The following DTNA variants were observed in gnomAD, a reference collection of about 807,000 sequenced individuals.
The protein encoded by DTNA is dystrophin-related protein 3.
In DTNA, 43 loss-of-function variants were observed where a neutral mutation model predicts 100.7. That is an observed-to-expected ratio of 0.43 (90% CI 0.33 to 0.55). The LOEUF is 0.55. DTNA is among the 20% of genes least tolerant of loss of function. DTNA has a pLI of 0.04. For missense variants in DTNA, 798 were observed against 953.9 expected, an observed-to-expected ratio of 0.84 and a Z score of 2.15; for synonymous variants, 349 against 347.9, an observed-to-expected ratio of 1.00 and a Z score of -0.04.
At chr18:34,509,668 G>A (rs1568559871) in intron 1 of DTNA, among the ~76,000 whole-genome samples, 1 of 152,062 alleles carries the variant, frequency 6.6e-6, no homozygotes, top group Admixed American at 6.6e-5. Context: ...AAATCATCTA[G>A]CTGTTCTTTT....
Position 34,866,992 on chromosome 18 carries a change from CAAAT to C in DTNA, c.1743+2931_1743+2934del, listed in dbSNP as rs2150204571. On this transcript the variant is annotated intron_variant, in intron 17 of 22. Coordinates refer to ENST00000444659, the MANE Select transcript of DTNA (RefSeq NM_001386795.1). ...GGAGCAGCAAACTCAAAAAAAAAAACAAATTAAATTAAATTAAATTAAATTAAAT... is the reference window on the plus strand; with the variant it reads ...GGAGCAGCAAACTCAAAAAAAAAAACTAAATTAAATTAAATTAAATTAAAT... 3 of 1,148,514 alleles carry C rather than the reference CAAAT, an allele frequency of 2.6e-6. No homozygotes were observed. In the African/African-American group the frequency reaches 5.1e-5, roughly 20 times the overall value. 71.1% of individuals were successfully genotyped at this position (1,148,514 alleles called of 1,614,324 possible). A position where few individuals can be genotyped will look rare whatever the true frequency, so the allele number is the denominator to read the frequency against.
chr18:34,534,717 C>T (rs2043509741), intron 1 of DTNA, among the ~76,000 whole-genome samples: 1 of 152,044 alleles, frequency 6.6e-6, no homozygotes, highest in Non-Finnish European at 1.5e-5. Context: ...TTGTTCACCT[C>T]CCACTAATGA....
At chr18:34,816,907 A>G (rs1469229384) in intron 7 of DTNA, among the ~76,000 whole-genome samples, 3 of 152,212 alleles carry the variant, frequency 2.0e-5, no homozygotes, top group Admixed American at 6.5e-5. Flanking sequence ...CTCATGGAGA[A>G]AATTTAAAGA....
chr18:34,802,253 C>T lies in DTNA; in HGVS notation c.363-3966C>T, dbSNP rs560866371. ...TGGTGGTTGGCTTCCTGGGTTGCAG[C>T]TGACAGCCAGCATTCCATCGGTGCA... is the stretch of plus-strand genomic sequence containing the variant. On this transcript the variant is annotated intron_variant, in intron 4 of 22. Coordinates refer to ENST00000444659, the MANE Select transcript of DTNA (RefSeq NM_001386795.1). Among the ~76,000 whole-genome samples, 24 of 152,340 alleles carry T rather than the reference C, an allele frequency of 1.6e-4. No homozygotes were observed. The South Asian group carries it at 1.9e-3, about 12-fold the overall frequency.
At chr18:34,570,638 G>T (rs1169298101) in intron 1 of DTNA, among the ~76,000 whole-genome samples, 1 of 152,080 alleles carries the variant, frequency 6.6e-6, no homozygotes, top group East Asian at 1.9e-4. Context: ...GCACAGATTT[G>T]CATTGCTGTA....
chr18:34,622,648 A>ATATGT (rs2056712413), intron 1 of DTNA, among the ~76,000 whole-genome samples: 1 of 152,176 alleles, frequency 6.6e-6, no homozygotes. Flanking sequence ...GACAAGGTGA[A>ATATGT]TATGTTATGT....
At chr18:34,669,830 C>T (rs930701125) in intron 1 of DTNA, among the ~76,000 whole-genome samples, 4 of 152,202 alleles carry the variant, frequency 2.6e-5, no homozygotes, top group Non-Finnish European at 5.9e-5. Flanking sequence ...TTGTGGGTAA[C>T]CTGACCTTTC....
In DTNA at chr18:34,848,374, C is replaced by A. The variant is rs756679503; in HGVS notation, c.1425C>A (p.Ser475=). Residue 475 remains serine, a synonymous_variant, in exon 14 of 23, where the codon TCC becomes TCA. Transcript: ENST00000444659. ...ARYAARLAAE[S]SSSQPPQQRS... ...ATGCGGCAAGGCTGGCAGCAGAGTC[C>A]TCTTCGTCTGTAAGTAGTTGGAGTA... The A allele has an allele frequency of 4.6e-5, 75 of 1,613,816 alleles. No homozygotes were observed. The highest frequency in any genetic ancestry group is 6.1e-5 in the Non-Finnish European group (72 of 1,179,922).
chr18:34,500,094 A>G (rs1227857888), intron 1 of DTNA, among the ~76,000 whole-genome samples: 1 of 152,082 alleles, frequency 6.6e-6, no homozygotes, highest in African/African-American at 2.4e-5. Flanking sequence ...TCTTGTCTAT[A>G]TTAACAAAAA....
At chr18:34,670,351 T>G (rs2076572897) in intron 1 of DTNA, among the ~76,000 whole-genome samples, 1 of 152,210 alleles carries the variant, frequency 6.6e-6, no homozygotes, top group Non-Finnish European at 1.5e-5. Flanking sequence ...TTTTAACTTC[T>G]TTACAATGGG....
chr18:34,570,747 A>G (rs1351485565), intron 1 of DTNA, among the ~76,000 whole-genome samples: 2 of 152,192 alleles, frequency 1.3e-5, no homozygotes, highest in Non-Finnish European at 2.9e-5. Flanking sequence ...GTAATTCCAG[A>G]GGTCACAAAT....
In DTNA at chr18:34,625,845, T is replaced by C. The variant is rs149532337; in HGVS notation, c.-1-130131T>C. On this transcript the variant is annotated intron_variant, in intron 1 of 19. Transcript: ENST00000283365. ...GTAAGACTTGAAATGATGAAAACAA[T>C]GAATGAAGGCAGAATTGACTACATC... Among the ~76,000 whole-genome samples, 763 of 152,164 alleles carry C rather than the reference T, an allele frequency of 5.0e-3. 5 individuals carry two copies. The highest frequency in any genetic ancestry group is 0.017 in the African/African-American group (713 of 41,536).
intron 4 of DTNA, among the ~76,000 whole-genome samples, chr18:34,801,830 A>T (rs1402389353): frequency 6.6e-6 from 1 of 152,212 alleles, no homozygotes; most frequent in Non-Finnish European, 1.5e-5. Flanking sequence ...TAATAATAAA[A>T]TGATATACTA....
chr18:34,622,005 C>T (rs896826021), intron 1 of DTNA, among the ~76,000 whole-genome samples: 1 of 151,972 alleles, frequency 6.6e-6, no homozygotes, highest in African/African-American at 2.4e-5. Context: ...AAAGGGTGGG[C>T]AGAGGGGAGG....
At chr18:34,595,354 G>A (rs2050377972) in intron 1 of DTNA, among the ~76,000 whole-genome samples, 1 of 151,956 alleles carries the variant, frequency 6.6e-6, no homozygotes, top group Admixed American at 6.6e-5. Context: ...GCTTACCAGT[G>A]TGGGATTTGG....
intron 3 of DTNA, among the ~76,000 whole-genome samples, chr18:34,792,526 C>G (rs994021728): frequency 1.8e-4 from 27 of 151,744 alleles, no homozygotes; most frequent in Admixed American, 1.3e-4. Flanking sequence ...AGGTAGAAGA[C>G]AAAAAAATAG....
At chr18:34,694,666 A>G (rs1052371391) in intron 1 of DTNA, among the ~76,000 whole-genome samples, 1 of 152,192 alleles carries the variant, frequency 6.6e-6, no homozygotes, top group African/African-American at 2.4e-5. Context: ...CTAGTTGGAT[A>G]AGTAAGGTGG....
chr18:34,512,308 A>G (rs1291075372), intron 1 of DTNA, among the ~76,000 whole-genome samples: 1 of 151,990 alleles, frequency 6.6e-6, no homozygotes, highest in African/African-American at 2.4e-5. Flanking sequence ...TGTGTGAGAA[A>G]TGGGGTTATT....
chr18:34,791,188 G>A lies in DTNA; in HGVS notation c.149-2849G>A, dbSNP rs1000391974. ...GGTTTCCTATTCCTTACAATGGCTC[G>A]TCAAGAGAAATTTAAGCATCCAGAT... On this transcript the variant is annotated intron_variant, in intron 3 of 22. Coordinates refer to ENST00000444659, the MANE Select transcript of DTNA (RefSeq NM_001386795.1). Among the ~76,000 whole-genome samples, 11 of 152,240 alleles carry A rather than the reference G, an allele frequency of 7.2e-5. No homozygotes were observed. In the East Asian group the frequency reaches 1.7e-3, roughly 24 times the overall value.
Sources: gnomAD v4.1 joint callset for allele counts (sites outside exome capture counted in the v4.1 genomes callset) on GRCh38, gnomAD v4.1.1 for gene constraint, MANE v1.5 for transcripts, NCBI Gene and HGNC (gene_info 2026-07-23, HGNC 2026-07-21) for gene names.